OGFR: variants seen among roughly 807,000 people sequenced by gnomAD.
OGFR encodes the protein opioid growth factor receptor.
Under a neutral mutation model 33.6 loss-of-function variants are expected in OGFR, and 18 were observed. That is an observed-to-expected ratio of 0.54 (90% confidence interval 0.37 to 0.80). The LOEUF is 0.80. Ranked by LOEUF, OGFR falls within the 30% of genes least tolerant of loss-of-function variation. OGFR has a pLI of 0.00. For synonymous variants in OGFR, 370 were observed against 400.7 expected (o/e 0.92, Z 0.91); for missense variants, 877 against 955.8 (o/e 0.92, Z 1.09).
At chr20:62,808,365 C>T (rs1305905822) in intron 3 of OGFR, 40 bp downstream of exon 3, 2 of 1,491,226 alleles carry the variant, frequency 1.3e-6, no homozygotes, top group Non-Finnish European at 1.9e-6. Flanking sequence ...CGCTTCCATC[C>T]TTGCCTGGCA....
rs1163409700 is a variant in OGFR, at chr20:62,813,554, G to T, written c.1939G>T (p.Ala647Ser). The T allele has an allele frequency of 6.2e-7, 1 of 1,610,210 alleles. No individual in the cohort carries two copies. The highest frequency in any genetic ancestry group is 1.7e-5 in the Admixed American group (1 of 59,908). Reference protein sequence around the residue: ...SPSETPGPSPAGPTRDEPAKA... With the variant: ...SPSETPGPSPSGPTRDEPAKA... ...ATCGGAGACCCCAGGCCCCAGCCCG[G>T]CAGGACCTACAAGGGATGAGCCAGC... Residue 647 changes from alanine to serine, a missense_variant, in exon 7 of 7, where the codon GCA becomes TCA. Transcript: ENST00000290291.
chr20:62,808,082 C>T (rs576883263), intron 2 of OGFR, 165 bp from the exon 3 acceptor site: 1 of 701,266 alleles, frequency 1.4e-6, no homozygotes, highest in Non-Finnish European at 2.6e-6. Context: ...GAGGCAGCTG[C>T]TGTCCTCTGA....
intron 5 of OGFR, among the ~76,000 whole-genome samples, chr20:62,810,980 G>A (rs1331300482): frequency 1.3e-5 from 2 of 152,244 alleles, no homozygotes; most frequent in Non-Finnish European, 2.9e-5. Flanking sequence ...CTCAGGGGAG[G>A]GCGGCAGCCT....
chr20:62,807,531 T>G lies in OGFR; in HGVS notation c.172-6T>G, dbSNP rs746601050. The G allele has an allele frequency of 1.9e-6, 3 of 1,612,196 alleles. No homozygotes were observed. The South Asian group carries it at 3.3e-5, about 18-fold the overall frequency. ...GGGGTCCTAATCCCATCTCTTTTCTTCCCAGTCCAGAATGACAGGGTCCAG... is the reference window on the plus strand; with the variant it reads ...GGGGTCCTAATCCCATCTCTTTTCTGCCCAGTCCAGAATGACAGGGTCCAG... On this transcript the variant is annotated splice_polypyrimidine_tract_variant and splice_region_variant and intron_variant, in intron 1 of 6. Coordinates refer to ENST00000290291, the MANE Select transcript of OGFR (RefSeq NM_007346.4).
rs927192402 is a variant in OGFR at position 62,805,393 on chromosome 20, C to G, written c.171+363C>G. 481 of 85,202 alleles carry G rather than the reference C, an allele frequency of 5.6e-3. 2 individuals carry two copies. The highest frequency in any genetic ancestry group is 0.023 in the African/African-American group (459 of 19,706). The allele number at this position is 85,202 out of a possible 1,614,324, so 5.3% of individuals were successfully genotyped here. On this transcript the variant is annotated intron_variant, in intron 1 of 6. Transcript: ENST00000290291. ...GCGGCCCCTGCGCAGGCCCCGCGGC[C>G]TGGGGCTGGGGCTGGGGCTGGGGCT...
Position 62,813,787 on chromosome 20 carries a change from GC to G in OGFR, c.*140del. The G allele has an allele frequency of 9.7e-7, 1 of 1,034,586 alleles. No individual in the cohort carries two copies. Among genetic ancestry groups the G allele is most frequent in the Non-Finnish European group, 1.4e-6 (1 of 696,674 alleles). The allele number at this position is 1,034,586 out of a possible 1,614,324, so 64.1% of individuals were successfully genotyped here. A position where few individuals can be genotyped will look rare whatever the true frequency, so the allele number is the denominator to read the frequency against. ...ACCCACAGTGCTGGCCTCCTGTGGG[GC>G]CACTATAGCAGCCACCAGAAGCCGC... On this transcript the variant is annotated 3_prime_UTR_variant, in exon 7 of 7. Transcript: ENST00000290291.
intron 3 of OGFR, among the ~76,000 whole-genome samples, chr20:62,808,844 G>A (rs2003634): frequency 0.025 from 3,757 of 151,746 alleles, 128 homozygotes; most frequent in East Asian, 0.15. Context: ...GTGTGGTAGC[G>A]TGCGCCTGTA....
intron 6 of OGFR, among the ~76,000 whole-genome samples, 171 bp from the exon 7 acceptor site, chr20:62,812,059 G>T (rs1170372739): frequency 6.6e-6 from 1 of 152,188 alleles, no homozygotes; most frequent in Non-Finnish European, 1.5e-5. Flanking sequence ...TTTTCACAGG[G>T]ATGGCATGAG....
intron 4 of OGFR, among the ~76,000 whole-genome samples, chr20:62,810,261 T>C (rs1990693985): frequency 6.6e-6 from 1 of 152,066 alleles, no homozygotes. Context: ...CTGAGTCACC[T>C]CCCCAGTCCT....
chr20:62,809,508 T>C, intron 3 of OGFR, 77 bp from the exon 4 acceptor site: 6 of 1,077,632 alleles, frequency 5.6e-6, no homozygotes, highest in Non-Finnish European at 8.6e-6. Context: ...TCTCCTTATG[T>C]CCCCCACCCA....
In OGFR at chr20:62,812,704, GGAT is replaced by G; in HGVS notation, c.1092_1094del (p.Asp364del). On this transcript the variant is annotated inframe_deletion, in exon 7 of 7. Transcript: ENST00000290291. Reference sequence around the variant, plus strand: ...CGGGACCCCTGGAGAGGAGCCAGGGGGATGAGGCAGGGGGCCACGGGGAAGATA... The same window carrying G: ...CGGGACCCCTGGAGAGGAGCCAGGGGGAGGCAGGGGGCCACGGGGAAGATA... 4 of 1,582,564 alleles carry G rather than the reference GGAT, an allele frequency of 2.5e-6. No individual in the cohort carries two copies. Among genetic ancestry groups the G allele is most frequent in the Non-Finnish European group, 3.4e-6 (4 of 1,164,858 alleles).
intron 6 of OGFR, among the ~76,000 whole-genome samples, chr20:62,811,949 C>T (rs191510470): frequency 6.6e-6 from 1 of 152,316 alleles, no homozygotes; most frequent in African/African-American, 2.4e-5. Flanking sequence ...GGCTCTCATC[C>T]AGCCAGCTCC....
rs748258978 is a variant in OGFR, at chr20:62,813,261, C to G, written c.1646C>G (p.Pro549Arg). 1 of 1,508,098 alleles carries G rather than the reference C, an allele frequency of 6.6e-7. No individual in the cohort carries two copies. Among genetic ancestry groups the G allele is most frequent in the Non-Finnish European group, 9.0e-7 (1 of 1,117,116 alleles). 93.4% of individuals were successfully genotyped at this position (1,508,098 alleles called of 1,614,324 possible). Residue 549 changes from proline to arginine, a missense_variant, in exon 7 of 7, where the codon CCT becomes CGT. Physicochemically the swap from Pro to Arg is moderately radical, Grantham distance 103. Coordinates refer to ENST00000290291, the MANE Select transcript of OGFR (RefSeq NM_007346.4). The part of the protein sequence containing the change: ...SETPGPRPAG[P>R]AGDEPAESPS... Reference sequence around the variant, plus strand: ...ACCCCAGGCCCCCGCCCAGCAGGACCTGCAGGGGACGAGCCAGCCGAGAGC... The same window carrying G: ...ACCCCAGGCCCCCGCCCAGCAGGACGTGCAGGGGACGAGCCAGCCGAGAGC...
At position 62,812,243 on chromosome 20, in the gene OGFR, A is replaced by C. The variant is rs369286998; in HGVS notation, c.628A>C (p.Asn210His). ...FQNLNWRSHN[N>H]LRITRILKSL... The stretch of plus-strand genomic sequence containing the variant: ...GATCTCTCGCAGGCGCAGCCACAAC[A>C]ACCTCCGCATCACACGCATCCTCAA... Residue 210 changes from asparagine to histidine, a missense_variant, in exon 7 of 7, where the codon AAC becomes CAC. Physicochemically the swap from Asn to His is moderately conservative, Grantham distance 68 (BLOSUM62 1). Around this residue, in one of 3 missense-constraint regions of OGFR, gnomAD observed 760 missense variants for 736.0 expected, o/e 1.03. Coordinates refer to ENST00000290291, the MANE Select transcript of OGFR (RefSeq NM_007346.4). 20 of 1,508,500 alleles carry C rather than the reference A, an allele frequency of 1.3e-5. No individual in the cohort carries two copies. Among genetic ancestry groups the C allele is most frequent in the African/African-American group, 1.3e-4 (9 of 71,544 alleles). The allele number at this position is 1,508,500 out of a possible 1,614,324, so 93.4% of individuals were successfully genotyped here.
chr20:62,809,414 G>A (rs1990673165), intron 3 of OGFR, among the ~76,000 whole-genome samples, 171 bp from the exon 4 acceptor site: 1 of 152,210 alleles, frequency 6.6e-6, no homozygotes, highest in South Asian at 2.1e-4. Flanking sequence ...GAGGAGGGAT[G>A]GGCAGCCCCA....
intron 4 of OGFR, 61 bp from the exon 5 acceptor site, chr20:62,810,435 GCAC>G: frequency 6.5e-7 from 1 of 1,527,576 alleles, no homozygotes. Flanking sequence ...TACACAGCGA[GCAC>G]CTGCCCAAGG....
Position 62,813,586 on chromosome 20 carries a change from G to A in OGFR, c.1971G>A (p.Ala657=), listed in dbSNP as rs146902893. The A allele has an allele frequency of 4.9e-5, 79 of 1,612,728 alleles. No individual in the cohort carries two copies. Among genetic ancestry groups the A allele is most frequent in the East Asian group, 2.7e-4 (12 of 44,868 alleles). The stretch of plus-strand genomic sequence containing the variant: ...CTACAAGGGATGAGCCAGCCAAGGC[G>A]GGGGAGGCAGCAGAGTTGCAGGACG... ...AGPTRDEPAK[A]GEAAELQDAE... is the part of the protein sequence containing the mutation. The change falls in exon 7 of 7, where the codon GCG becomes GCA. Residue 657 remains alanine, a synonymous_variant. Coordinates refer to ENST00000290291, the MANE Select transcript of OGFR (RefSeq NM_007346.4).
chr20:62,805,007 G>A lies in OGFR; in HGVS notation c.148G>A (p.Ala50Thr), dbSNP rs1226858226. The A allele has an allele frequency of 7.5e-6, 11 of 1,458,298 alleles. No homozygotes were observed. The South Asian group carries it at 9.4e-5, about 13-fold the overall frequency. The allele number at this position is 1,458,298 out of a possible 1,614,324, so 90.3% of individuals were successfully genotyped here. The stretch of plus-strand genomic sequence containing the variant: ...GGACGAGGAGTCGGAGGAGCCGCGG[G>A]CGGCGCGGCCCAGCTCGTTCCAGGT... ...DEDEESEEPR[A>T]ARPSSFQSRM... Residue 50 changes from alanine to threonine, a missense_variant, in exon 1 of 7, where the codon GCG becomes ACG. Physicochemically the swap from Ala to Thr is moderately conservative, Grantham distance 58. Transcript: ENST00000290291.
rs1290708464 is a variant in OGFR, at chr20:62,813,029, GC to G, written c.1416del (p.Ser473ValfsTer241). ...GGGTGCTGGGGACAGTGCTGCGGTG[GC>G]CAGTGGTGGTGCCCAGACCTTGGCC... ...DEGAGDSAAV[A>X]SGGAQTLALA... On this transcript the variant is annotated frameshift_variant, in exon 7 of 7. Transcript: ENST00000290291. LOFTEE classifies it low-confidence loss of function (END_TRUNC). 19 of 1,600,966 alleles carry G rather than the reference GC, an allele frequency of 1.2e-5. No individual in the cohort carries two copies. Among genetic ancestry groups the G allele is most frequent in the Non-Finnish European group, 1.5e-5 (18 of 1,174,284 alleles).
Sources: gnomAD v4.1 joint callset for allele counts (sites outside exome capture counted in the v4.1 genomes callset) on GRCh38, gnomAD v4.1.1 for gene constraint, gnomAD v4.1.1 regional missense constraint, MANE v1.5 for transcripts, NCBI Gene and HGNC (gene_info 2026-07-23, HGNC 2026-07-21) for gene names.